Variants in DAB1 observed in about 807,000 individuals in gnomAD.
DAB1 encodes the protein disabled homolog 1.
DAB1 carries 15 observed loss-of-function variants against 64.6 expected under a neutral mutation model. The observed-to-expected ratio is 0.23, with a 90% confidence interval of 0.16 to 0.36. DAB1 has a LOEUF of 0.36. Among genes scored for constraint, DAB1 ranks in the 10% least tolerant of loss-of-function variants. The pLI, the probability that DAB1 is intolerant of heterozygous loss-of-function variation, is 1.00. For missense variants in DAB1, 596 were observed against 706.7 expected, an observed-to-expected ratio of 0.84 and a Z score of 1.78; for synonymous variants, 235 against 251.9, an observed-to-expected ratio of 0.93 and a Z score of 0.64.
chr1:57,903,501 T>A (rs773383072), intron 5 of DAB1, among the ~76,000 whole-genome samples: 2 of 152,174 alleles, frequency 1.3e-5, no homozygotes. Context: ...TCTTCTGTGC[T>A]CCCTTCCACC....
intron 7 of DAB1, among the ~76,000 whole-genome samples, chr1:57,608,682 C>G (rs1004508655): frequency 6.6e-6 from 1 of 152,254 alleles, no homozygotes; most frequent in Non-Finnish European, 1.5e-5. Context: ...TTATTATTCC[C>G]ATTACACAGA....
At chr1:57,770,569 A>G (rs1649514954) in intron 6 of DAB1, among the ~76,000 whole-genome samples, 2 of 152,164 alleles carry the variant, frequency 1.3e-5, no homozygotes, top group African/African-American at 4.8e-5. Flanking sequence ...AACCTCTGTC[A>G]AGGCAAAATG....
At chr1:57,979,936 A>G (rs143852632) in intron 5 of DAB1, among the ~76,000 whole-genome samples, 13 of 152,292 alleles carry the variant, frequency 8.5e-5, no homozygotes, top group African/African-American at 3.1e-4. Context: ...CTATTTTATG[A>G]ACAAAAAGAA....
At chr1:57,748,310 T>TC (rs1346130132) in intron 6 of DAB1, among the ~76,000 whole-genome samples, 1 of 152,216 alleles carries the variant, frequency 6.6e-6, no homozygotes, top group Non-Finnish European at 1.5e-5. Context: ...GAGGCCAGAC[T>TC]GCCTGAACTT....
At chr1:58,381,211 G>A (rs1313115968) in intron 3 of DAB1, among the ~76,000 whole-genome samples, 1 of 152,160 alleles carries the variant, frequency 6.6e-6, no homozygotes, top group Non-Finnish European at 1.5e-5. Flanking sequence ...TAATACCCAG[G>A]TGATGGAATG....
At chr1:57,496,431 C>A (rs990880820) in intron 7 of DAB1, among the ~76,000 whole-genome samples, 2 of 152,172 alleles carry the variant, frequency 1.3e-5, no homozygotes, top group Non-Finnish European at 2.9e-5. Flanking sequence ...ACACACAGAA[C>A]CTTCAATGGT....
chr1:58,015,091 C>T lies in DAB1; in HGVS notation n.388-130929G>A, dbSNP rs1395286226. Among the ~76,000 whole-genome samples, 6 of 152,170 alleles carry T rather than the reference C, an allele frequency of 3.9e-5. 1 individual carries two copies. The highest frequency in any genetic ancestry group is 1.2e-4 in the African/African-American group (5 of 41,432). On this transcript the variant is annotated intron_variant and non_coding_transcript_variant, in intron 5 of 20. Transcript: ENST00000485760. ...AAGAGAGAGCAGAGAGGCAGCTGCC[C>T]CACTTGTAGACTTGGCCTTAGCTAT...
intron 6 of DAB1, among the ~76,000 whole-genome samples, chr1:57,777,982 G>A (rs188079895): frequency 5.9e-5 from 9 of 152,104 alleles, no homozygotes; most frequent in Admixed American, 2.0e-4. Flanking sequence ...GCTATGACAG[G>A]TCTAGAATAG....
At chr1:57,919,515 G>C (rs193104057) in intron 5 of DAB1, among the ~76,000 whole-genome samples, 1 of 152,318 alleles carries the variant, frequency 6.6e-6, no homozygotes, top group African/African-American at 2.4e-5. Context: ...AGTAAAGCTT[G>C]AGCTAAGCCT....
intron 2 of DAB1, among the ~76,000 whole-genome samples, chr1:57,235,551 G>A (rs887442108): frequency 1.3e-5 from 2 of 152,064 alleles, no homozygotes; most frequent in Non-Finnish European, 2.9e-5. Context: ...ATCCATGGTG[G>A]GTGGAGAGGT....
intron 2 of DAB1, among the ~76,000 whole-genome samples, chr1:57,225,541 A>T (rs1667199214): frequency 6.6e-6 from 1 of 152,166 alleles, no homozygotes. Context: ...TCTGCTCAAT[A>T]CAGCTTTTTT....
rs1658122460 is a variant in DAB1 at position 57,136,532 on chromosome 1, G to A, written c.306+11C>T. 6.9e-7 allele frequency: 1 copy of A among 1,441,878 alleles called. No homozygotes were observed. The highest frequency in any genetic ancestry group is 9.4e-7 in the Non-Finnish European group (1 of 1,064,370). The allele number at this position is 1,441,878 out of a possible 1,614,324, so 89.3% of individuals were successfully genotyped here. A position where few individuals can be genotyped will look rare whatever the true frequency, so the allele number is the denominator to read the frequency against. ...TAAAATTTCACAATGCCATGTGATT[G>A]CTTTACTTACCCCTGTCTTCTCATC... On this transcript the variant is annotated intron_variant, in intron 4 of 14. Transcript: ENST00000371236.
At chr1:57,532,485 G>A (rs912116870) in intron 7 of DAB1, among the ~76,000 whole-genome samples, 3 of 152,170 alleles carry the variant, frequency 2.0e-5, no homozygotes, top group African/African-American at 7.2e-5. Context: ...AGCCATCTGA[G>A]GGCAGAGCCT....
At chr1:57,418,373 A>C (rs1170606523) in intron 1 of DAB1, among the ~76,000 whole-genome samples, 5 of 152,228 alleles carry the variant, frequency 3.3e-5, no homozygotes, top group Admixed American at 3.3e-4. Flanking sequence ...AAGAGCAAAG[A>C]AAGAGATACC....
At chr1:57,708,470 C>T (rs1392800450) in intron 6 of DAB1, among the ~76,000 whole-genome samples, 5 of 152,206 alleles carry the variant, frequency 3.3e-5, no homozygotes, top group South Asian at 2.1e-4. Flanking sequence ...CTGAGTTGCA[C>T]TCAAAGTCCA....
intron 4 of DAB1, chr1:58,228,770 G>A: frequency 1.2e-6 from 1 of 868,658 alleles, no homozygotes; most frequent in Non-Finnish European, 1.8e-6. Flanking sequence ...AGGTGGTTAT[G>A]CAAACAAGAC....
chr1:57,510,450 CG>C (rs1558447504), intron 7 of DAB1, among the ~76,000 whole-genome samples: 1 of 152,164 alleles, frequency 6.6e-6, no homozygotes, highest in Non-Finnish European at 1.5e-5. Context: ...TCTATCTATA[CG>C]TTCTCCTTGA....
At chr1:58,125,005 T>G (rs1652977030) in intron 5 of DAB1, among the ~76,000 whole-genome samples, 2 of 152,168 alleles carry the variant, frequency 1.3e-5, no homozygotes, top group African/African-American at 4.8e-5. Flanking sequence ...TATTATTATA[T>G]TTGATCAAGG....
intron 14 of DAB1, among the ~76,000 whole-genome samples, chr1:56,998,870 A>G (rs1012988039): frequency 9.9e-5 from 15 of 152,198 alleles, no homozygotes; most frequent in Non-Finnish European, 2.1e-4. Context: ...ACACCTAGAT[A>G]GGAAACAGCG....
Sources: gnomAD v4.1 joint callset for allele counts (sites outside exome capture counted in the v4.1 genomes callset) on GRCh38, gnomAD v4.1.1 for gene constraint, MANE v1.5 for transcripts, NCBI Gene and HGNC (gene_info 2026-07-23, HGNC 2026-07-21) for gene names.